Variants in TTC17 observed in about 807,000 individuals in gnomAD.
TTC17 encodes the protein tetratricopeptide repeat domain 17, also known as tetratricopeptide repeat protein 17.
Under a neutral mutation model 143.8 loss-of-function variants are expected in TTC17, and 58 were observed. The ratio of observed to expected loss-of-function variants is 0.40; its 90% CI spans 0.33 to 0.50. The LOEUF (loss-of-function observed/expected upper bound fraction) is 0.50. TTC17 is among the 20% of genes least tolerant of loss of function. The pLI is 0.49. For missense variants in TTC17, 1,273 were observed against 1,392.5 expected (o/e 0.91, Z 1.37); for synonymous variants, 501 against 497.8 (o/e 1.01, Z -0.09).
intron 21 of TTC17, among the ~76,000 whole-genome samples, chr11:43,485,698 A>G (rs968747222): frequency 6.6e-5 from 10 of 152,114 alleles, no homozygotes; most frequent in African/African-American, 2.4e-4. Flanking sequence ...ATGAGAAACA[A>G]TTCTCAATCT....
rs911357268 is a variant in TTC17 at position 43,446,067 on chromosome 11, A to G, written c.2665+1858A>G. On this transcript the variant is annotated intron_variant, in intron 18 of 23. Transcript: ENST00000039989. ...TGGGCTTGAAGCCTTCCCATTGCCT[A>G]CAGGATAAAATTCAAACTTCCTAGT... The G allele has an allele frequency of 9.3e-6, 14 of 1,513,132 alleles. No homozygotes were observed. In the South Asian group the frequency reaches 1.2e-4, roughly 13 times the overall value. The allele number at this position is 1,513,132 out of a possible 1,614,324, so 93.7% of individuals were successfully genotyped here.
At position 43,492,025 on chromosome 11, in the gene TTC17, G is replaced by A; in HGVS notation, c.3156G>A (p.Val1052=). 6.2e-7 allele frequency: 1 copy of A among 1,613,626 alleles called. No individual in the cohort carries two copies. Among genetic ancestry groups the A allele is most frequent in the South Asian group, 1.1e-5 (1 of 90,936 alleles). The change falls in exon 23 of 24, where the codon GTG becomes GTA. Residue 1052 remains valine, a synonymous_variant. Coordinates refer to ENST00000039989, the MANE Select transcript of TTC17 (RefSeq NM_018259.6). ...CATTCTCCTTCTTCTCCCAGGATGT[G>A]CCCCTGATTAGCCTGGCCAACATCT... The part of the protein sequence containing the change: ...LHYAPHQMKD[V]PLISLANILH...
chr11:43,373,535 G>A (rs915552073), intron 1 of TTC17, among the ~76,000 whole-genome samples: 1 of 152,060 alleles, frequency 6.6e-6, no homozygotes, highest in Non-Finnish European at 1.5e-5. Flanking sequence ...GTGTTAGCCA[G>A]GATGGTCTCG....
intron 15 of TTC17, among the ~76,000 whole-genome samples, chr11:43,409,531 A>G (rs1344233297): frequency 6.6e-6 from 1 of 152,254 alleles, no homozygotes; most frequent in Non-Finnish European, 1.5e-5. Flanking sequence ...CAGGCACAAT[A>G]CTAAGCATCT....
At chr11:43,372,006 A>G (rs545259175) in intron 1 of TTC17, among the ~76,000 whole-genome samples, 2 of 152,308 alleles carry the variant, frequency 1.3e-5, no homozygotes, top group African/African-American at 4.8e-5. Flanking sequence ...CAGGAATTCA[A>G]GGTTACGGTG....
intron 16 of TTC17, among the ~76,000 whole-genome samples, chr11:43,438,778 C>A (rs1446436761): frequency 1.3e-5 from 2 of 152,192 alleles, no homozygotes; most frequent in Non-Finnish European, 2.9e-5. Flanking sequence ...CTCCTTGAAA[C>A]TTCTCTTCCA....
At chr11:43,392,370 G>A (rs1857424296) in intron 5 of TTC17, among the ~76,000 whole-genome samples, 1 of 152,070 alleles carries the variant, frequency 6.6e-6, no homozygotes, top group Non-Finnish European at 1.5e-5. Flanking sequence ...TCTTTTAAGA[G>A]ACTATCTACT....
At chr11:43,433,220 C>T (rs937899635) in intron 16 of TTC17, among the ~76,000 whole-genome samples, 10 of 152,078 alleles carry the variant, frequency 6.6e-5, no homozygotes, top group Admixed American at 3.3e-4. Context: ...AGGATGGTCT[C>T]GATCTCTTGA....
chr11:43,476,602 G>A (rs2134848886), intron 21 of TTC17, among the ~76,000 whole-genome samples: 1 of 152,324 alleles, frequency 6.6e-6, no homozygotes. Flanking sequence ...CCAAGGCTTG[G>A]GGCTTCCACC....
intron 18 of TTC17, chr11:43,446,656 C>T: frequency 1.0e-6 from 1 of 984,956 alleles, no homozygotes; most frequent in Non-Finnish European, 1.2e-6. Flanking sequence ...TAAACCCCTG[C>T]CTGTACCTCA....
At chr11:43,460,581 C>T (rs1947846730) in intron 21 of TTC17, among the ~76,000 whole-genome samples, 1 of 152,180 alleles carries the variant, frequency 6.6e-6, no homozygotes, top group African/African-American at 2.4e-5. Context: ...TTATCTTTTT[C>T]TGCCTAACAA....
At chr11:43,464,340 G>T (rs1947930025) in intron 21 of TTC17, among the ~76,000 whole-genome samples, 1 of 151,406 alleles carries the variant, frequency 6.6e-6, no homozygotes, top group Admixed American at 6.6e-5. Flanking sequence ...ATTTTAAGTG[G>T]ATCAGAGATT....
intron 1 of TTC17, among the ~76,000 whole-genome samples, chr11:43,373,343 A>G (rs1400149172): frequency 7.7e-6 from 1 of 129,112 alleles, no homozygotes; most frequent in Non-Finnish European, 1.6e-5. Context: ...TTTTTTTTTG[A>G]GACAGAGTCT....
At chr11:43,486,163 C>CA (rs1168711258) in intron 21 of TTC17, among the ~76,000 whole-genome samples, 2 of 151,960 alleles carry the variant, frequency 1.3e-5, no homozygotes, top group Non-Finnish European at 2.9e-5. Flanking sequence ...ATAGTCCCCC[C>CA]CTTATTTGCA....
intron 16 of TTC17, among the ~76,000 whole-genome samples, chr11:43,436,512 C>T (rs1740095461): frequency 1.3e-5 from 2 of 152,150 alleles, no homozygotes; most frequent in South Asian, 4.1e-4. Flanking sequence ...TGAAAGTGTT[C>T]ACACCTCAGT....
chr11:43,480,972 CTT>C (rs1948275826), intron 21 of TTC17, among the ~76,000 whole-genome samples: 1 of 147,916 alleles, frequency 6.8e-6, no homozygotes, highest in Non-Finnish European at 1.5e-5. Context: ...AATCAGAAAA[CTT>C]TTAAAGGAAC....
intron 15 of TTC17, among the ~76,000 whole-genome samples, chr11:43,413,686 C>T (rs1946709863): frequency 6.6e-6 from 1 of 150,476 alleles, no homozygotes; most frequent in Non-Finnish European, 1.5e-5. Flanking sequence ...TGAGGATATC[C>T]AAATGGCCAA....
intron 2 of TTC17, among the ~76,000 whole-genome samples, chr11:43,383,814 A>T (rs766624292): frequency 2.0e-4 from 31 of 152,120 alleles, no homozygotes; most frequent in Non-Finnish European, 4.0e-4. Flanking sequence ...TTCAAAACAT[A>T]CTGAAATATT....
chr11:43,468,747 C>G (rs1320800179), intron 21 of TTC17, among the ~76,000 whole-genome samples: 2 of 152,052 alleles, frequency 1.3e-5, no homozygotes, highest in East Asian at 3.9e-4. Flanking sequence ...CCAACCAGGG[C>G]AACATAGCAA....
Sources: allele counts gnomAD v4.1 joint callset (sites outside exome capture counted in the v4.1 genomes callset), GRCh38; gene constraint gnomAD v4.1.1; transcripts MANE v1.5; gene names NCBI Gene and HGNC (gene_info 2026-07-23, HGNC 2026-07-21).